MUC5B: variants seen among roughly 807,000 people sequenced by gnomAD.
MUC5B encodes the protein mucin-5B.
MUC5B carries 116 observed loss-of-function variants against 376.9 expected under a neutral mutation model. The observed-to-expected ratio is 0.31, with a 90% CI of 0.26 to 0.36. MUC5B has a LOEUF of 0.36. MUC5B is among the 10% of genes least tolerant of loss of function. The probability of loss-of-function intolerance (pLI) is 1.00; values close to 1 mark genes in which losing one functional copy is unlikely to be tolerated. For synonymous variants in MUC5B, 3,517 were observed against 3,390.9 expected (o/e 1.04, Z -1.29); for missense variants, 7,165 against 7,769.9 (o/e 0.92, Z 2.93).
intron 14 of MUC5B, among the ~76,000 whole-genome samples, chr11:1,231,789 G>C (rs566868763): frequency 6.6e-6 from 1 of 152,246 alleles, no homozygotes; most frequent in African/African-American, 2.4e-5. Context: ...GGCTCAGGCC[G>C]ACTTTGCACA....
At position 1,251,306 on chromosome 11, in the gene MUC5B, C is replaced by A; in HGVS notation, c.14426C>A (p.Pro4809His). 2 of 1,607,552 alleles carry A rather than the reference C, an allele frequency of 1.2e-6. No individual in the cohort carries two copies. The highest frequency in any genetic ancestry group is 1.7e-6 in the Non-Finnish European group (2 of 1,175,812). ...MTRATNSTAT[P>H]SSTLGTTRIL... The stretch of plus-strand genomic sequence containing the variant: ...AGGGCCACCAATTCCACGGCCACAC[C>A]CTCCTCCACTCTGGGGACGACCCGG... Residue 4809 changes from proline (P) to histidine (H), a missense_variant, in exon 31 of 49, where the codon CCC (proline) becomes CAC (histidine). Coordinates refer to ENST00000529681, the MANE Select transcript of MUC5B (RefSeq NM_002458.3).
chr11:1,233,369 T>G (rs2672806), intron 18 of MUC5B, 101 bp downstream of exon 18: 35 of 1,316,800 alleles, frequency 2.7e-5, no homozygotes, highest in Middle Eastern at 5.0e-4. Context: ...TTCTGAGACA[T>G]GAGGGGCCAG....
At chr11:1,229,608 C>A in intron 9 of MUC5B, 82 bp from the exon 10 acceptor site, 1 of 1,237,576 alleles carries the variant, frequency 8.1e-7, no homozygotes, top group Non-Finnish European at 1.1e-6. Context: ...CCAAGGGAGG[C>A]AGCTTGTCCC....
At position 1,248,706 on chromosome 11, in the gene MUC5B, T is replaced by C. The variant is rs1379799072; in HGVS notation, c.11826T>C (p.Gly3942=). 1 of 1,567,768 alleles carries C rather than the reference T, an allele frequency of 6.4e-7. No homozygotes were observed. ...CCTCCTCTAGCACACAGACCAGTGG[T>C]ACTCCCCCATCACTGATCACCACGG... ...ATPSSSTQTS[G]TPPSLITTAT... is the part of the protein sequence containing the mutation. Residue 3942 remains glycine (G), a synonymous_variant, in exon 31 of 49, where the codon GGT becomes GGC. Transcript: ENST00000529681.
At chr11:1,233,563 G>C (rs1001413742) in intron 18 of MUC5B, among the ~76,000 whole-genome samples, 2 of 152,332 alleles carry the variant, frequency 1.3e-5, no homozygotes, top group East Asian at 3.9e-4. Context: ...CTCAAAGGCC[G>C]CTCCTAACCC....
rs202068402 is a variant in MUC5B at position 1,244,113 on chromosome 11, C to T, written c.7233C>T (p.Tyr2411=). Residue 2411 remains tyrosine (Y), a synonymous_variant, in exon 31 of 49, where the codon TAC becomes TAT. Transcript: ENST00000529681. ...NYEIRVFCCN[Y]GHCPSTPATS... is the part of the protein sequence containing the mutation. The stretch of plus-strand genomic sequence containing the variant: ...AAATCCGTGTGTTCTGCTGCAACTA[C>T]GGCCACTGCCCCAGCACCCCGGCCA... 1,013 of 1,609,152 alleles carry T rather than the reference C, an allele frequency of 6.3e-4. 11 individuals are homozygous for T. In the East Asian group the frequency reaches 9.5e-3, roughly 15 times the overall value.
Position 1,257,094 on chromosome 11 carries a change from AG to A in MUC5B, c.16238-145del. On this transcript the variant is annotated intron_variant, in intron 39 of 48. Coordinates refer to ENST00000529681, the MANE Select transcript of MUC5B (RefSeq NM_002458.3). This position sits in a 1 kb window ranked among gnomAD's most constrained non-coding sequence, Gnocchi z 8.9. ...CTCACGGTGCCCTGGCCTGAGCTCC[AG>A]CCACATCTGACACCCCAAAAGTTCT... 1 of 675,608 alleles carries A rather than the reference AG, an allele frequency of 1.5e-6. No individual in the cohort carries two copies. Among genetic ancestry groups the A allele is most frequent in the South Asian group, 1.7e-5 (1 of 60,262 alleles). The allele number at this position is 675,608 out of a possible 1,614,324, so 41.9% of individuals were successfully genotyped here.
intron 4 of MUC5B, 55 bp downstream of exon 4, chr11:1,226,931 CCA>C: frequency 6.3e-7 from 1 of 1,588,464 alleles, no homozygotes; most frequent in Non-Finnish European, 8.6e-7. Flanking sequence ...TGTGACCTCC[CCA>C]CACGGCCATG....
intron 2 of MUC5B, 27 bp downstream of exon 2, chr11:1,225,764 G>C: frequency 1.3e-6 from 2 of 1,595,244 alleles, no homozygotes; most frequent in Non-Finnish European, 1.7e-6. Flanking sequence ...GGGGGTGGGG[G>C]GTTCCTGACC....
At position 1,249,150 on chromosome 11, in the gene MUC5B, C is replaced by G. The variant is rs1168272004; in HGVS notation, c.12270C>G (p.Thr4090=). 2 of 1,611,282 alleles carry G rather than the reference C, an allele frequency of 1.2e-6. No homozygotes were observed. Among genetic ancestry groups the G allele is most frequent in the Admixed American group, 1.7e-5 (1 of 59,982 alleles). The change falls in exon 31 of 49, where the codon ACC becomes ACG. Residue 4090 remains threonine (T), a synonymous_variant. Transcript: ENST00000529681. ...PSPGTTTPGH[T]TATSRTTATA... ...CAGGGACGACCACCCCGGGCCACAC[C>G]ACGGCCACCTCCAGGACCACGGCCA... is the stretch of plus-strand genomic sequence containing the variant.
At chr11:1,252,315 T>C in intron 31 of MUC5B, 28 bp from the exon 32 acceptor site, 1 of 1,520,722 alleles carries the variant, frequency 6.6e-7, no homozygotes, top group Non-Finnish European at 8.8e-7. Flanking sequence ...GGGAGTGGCT[T>C]ATCTTTCTAT....
intron 11 of MUC5B, 93 bp downstream of exon 11, chr11:1,230,236 AG>A (rs1050317039): frequency 1.4e-6 from 2 of 1,467,658 alleles, no homozygotes; most frequent in African/African-American, 1.4e-5. Flanking sequence ...ATGGTCATAG[AG>A]GGGTGGATGT....
chr11:1,243,382 A>T lies in MUC5B; in HGVS notation c.6502A>T (p.Thr2168Ser). The T allele has an allele frequency of 2.0e-6, 3 of 1,534,894 alleles. No homozygotes were observed. Among genetic ancestry groups the T allele is most frequent in the Non-Finnish European group, 2.6e-6 (3 of 1,132,644 alleles). Residue 2168 changes from threonine (T) to serine (S), a missense_variant, in exon 31 of 49, where the codon ACA (threonine) becomes TCA (serine). Thr to Ser is a moderately conservative substitution (Grantham distance 58). Around this residue, in one of 31 missense-constraint regions of MUC5B, gnomAD observed 897 missense variants for 779.6 expected, o/e 1.15. Coordinates refer to ENST00000529681, the MANE Select transcript of MUC5B (RefSeq NM_002458.3). ...CCCAGTGCTGACCACCACCGCCACC[A>T]CACCTGCAGCCACCAGCAACACAGT... ...IPPVLTTTAT[T>S]PAATSNTVTP... is the part of the protein sequence containing the mutation.
chr11:1,238,025 C>T (rs1001370418), intron 25 of MUC5B, among the ~76,000 whole-genome samples: 2 of 152,198 alleles, frequency 1.3e-5, no homozygotes, highest in Non-Finnish European at 2.9e-5. Flanking sequence ...GGCCCTGAAG[C>T]ACTCTCATGT....
Position 1,259,951 on chromosome 11 carries a change from C to G in MUC5B, c.16801-12C>G, listed in dbSNP as rs1236108114. 1 of 1,613,004 alleles carries G rather than the reference C, an allele frequency of 6.2e-7. No homozygotes were observed. The highest frequency in any genetic ancestry group is 8.5e-7 in the Non-Finnish European group (1 of 1,179,730). On this transcript the variant is annotated splice_polypyrimidine_tract_variant and intron_variant, in intron 45 of 48. Transcript: ENST00000529681. ...TCCCTACTCAGCTTCCACACTCACC[C>G]TTGCATTTCAGCTGAATGAAACCTG... is the stretch of plus-strand genomic sequence containing the variant.
At position 1,243,612 on chromosome 11, in the gene MUC5B, C is replaced by T; in HGVS notation, c.6732C>T (p.Thr2244=). Residue 2244 remains threonine (T), a synonymous_variant, in exon 31 of 49, where the codon ACC becomes ACT. Transcript: ENST00000529681. The part of the protein sequence containing the change: ...TSHTLAATTG[T]TQHSTPALSS... ...ACACCCTAGCAGCAACCACCGGTAC[C>T]ACCCAGCACTCGACTCCAGCCCTTT... 6 of 1,610,370 alleles carry T rather than the reference C, an allele frequency of 3.7e-6. No homozygotes were observed. The highest frequency in any genetic ancestry group is 3.4e-6 in the Non-Finnish European group (4 of 1,179,072).
Position 1,245,399 on chromosome 11 carries a change from C to G in MUC5B, c.8519C>G (p.Thr2840Arg), listed in dbSNP as rs200515078. The G allele has an allele frequency of 2.8e-5, 43 of 1,548,592 alleles. 6 individuals carry two copies. In the South Asian group the frequency reaches 4.8e-4, roughly 17 times the overall value. Residue 2840 changes from threonine (T) to arginine (R), a missense_variant, in exon 31 of 49, where the codon ACG becomes AGG. Physicochemically the swap from Thr to Arg is moderately conservative, Grantham distance 71. Transcript: ENST00000529681. ...CACACCAGGGCCACCTCCAGGACCA[C>G]GGCCACGGCCACACCCAGCAAGACC... Reference protein sequence around the residue: ...PGHTRATSRTTATATPSKTRT... With the variant: ...PGHTRATSRTRATATPSKTRT...
At chr11:1,231,299 C>G in intron 13 of MUC5B, 124 bp from the exon 14 acceptor site, 1 of 1,220,388 alleles carries the variant, frequency 8.2e-7, no homozygotes, top group Non-Finnish European at 1.1e-6. Flanking sequence ...GGGCTCCTGG[C>G]CACTCCTGGG....
Position 1,252,480 on chromosome 11 carries a change from C to T in MUC5B, c.15001C>T (p.Pro5001Ser). 1 of 1,582,030 alleles carries T rather than the reference C, an allele frequency of 6.3e-7. No homozygotes were observed. Among genetic ancestry groups the T allele is most frequent in the Non-Finnish European group, 8.6e-7 (1 of 1,166,272 alleles). Residue 5001 changes from proline to serine, a missense_variant, in exon 32 of 49, where the codon CCC becomes TCC. Pro to Ser is a moderately conservative substitution (Grantham distance 74, BLOSUM62 -1). Around this residue, in one of 31 missense-constraint regions of MUC5B, gnomAD observed 730 missense variants for 592.7 expected, o/e 1.23. Transcript: ENST00000529681. Reference protein sequence around the residue: ...PPVSSAPLSSPSPAPGCDNAI... With the variant: ...PPVSSAPLSSSSPAPGCDNAI... ...AGTGTCCTCCGCCCCGCTGTCCTCG[C>T]CCTCCCCTGCCCCTGGCTGTGACAA...
Sources: gnomAD v4.1 joint callset for allele counts (sites outside exome capture counted in the v4.1 genomes callset) on GRCh38, gnomAD v4.1.1 for gene constraint, gnomAD v4.1.1 regional missense constraint, Gnocchi (gnomAD v3.1) non-coding constraint, MANE v1.5 for transcripts, NCBI Gene and HGNC (gene_info 2026-07-23, HGNC 2026-07-21) for gene names.